The following LHFPL2 variants were observed in gnomAD, a reference collection of about 807,000 sequenced individuals.
The protein encoded by LHFPL2 is LHFPL tetraspan subfamily member 2.
A neutral mutation model predicts 17.5 loss-of-function variants in LHFPL2; 7 were observed. The ratio of observed to expected loss-of-function variants is 0.40; its 90% CI spans 0.23 to 0.75. LHFPL2 has a LOEUF of 0.75. Among genes scored for constraint, LHFPL2 ranks in the 30% least tolerant of loss-of-function variants. The probability of loss-of-function intolerance (pLI) is 0.37; values close to 1 mark genes in which losing one functional copy is unlikely to be tolerated. For missense variants in LHFPL2, 241 were observed against 294.8 expected (o/e 0.82, Z 1.34); for synonymous variants, 134 against 116.2 (o/e 1.15, Z -0.99).
intron 1 of LHFPL2, among the ~76,000 whole-genome samples, chr5:78,637,645 C>G (rs184654777): frequency 1.2e-3 from 181 of 152,364 alleles, no homozygotes; most frequent in African/African-American, 4.3e-3. Context: ...TGACATTTCT[C>G]AGCCGCCAGA....
intron 2 of LHFPL2, among the ~76,000 whole-genome samples, chr5:78,584,999 T>TAAGCCCGTTGGAAAAGCGCAGTAG (rs1356291053): frequency 1.3e-5 from 1 of 76,796 alleles, no homozygotes; most frequent in Non-Finnish European, 3.1e-5. Flanking sequence ...CGCTGTGTTT[T>TAAGCCCGTTGGAAAAGCGCAGTAG]TTTTTTTTTT....
chr5:78,561,566 TG>T (rs1195084782), intron 3 of LHFPL2, among the ~76,000 whole-genome samples: 1 of 152,182 alleles, frequency 6.6e-6, no homozygotes, highest in African/African-American at 2.4e-5. Flanking sequence ...GGTCCAAACT[TG>T]CATAACATGA....
chr5:78,555,842 G>A (rs1756557629), intron 3 of LHFPL2, among the ~76,000 whole-genome samples: 1 of 152,224 alleles, frequency 6.6e-6, no homozygotes, highest in Non-Finnish European at 1.5e-5. Context: ...TGAAGGGGCA[G>A]GCAAAAGAAG....
intron 3 of LHFPL2, among the ~76,000 whole-genome samples, chr5:78,559,679 T>C (rs1010877967): frequency 6.6e-6 from 1 of 152,224 alleles, no homozygotes; most frequent in Non-Finnish European, 1.5e-5. Flanking sequence ...GGACCCTATA[T>C]TTGGTCCAAT....
chr5:78,635,414 G>A (rs1745401455), intron 1 of LHFPL2, among the ~76,000 whole-genome samples: 1 of 152,196 alleles, frequency 6.6e-6, no homozygotes, highest in Non-Finnish European at 1.5e-5. Context: ...GATGGTTTCT[G>A]CCGCTGGCCA....
At chr5:78,589,611 T>C (rs1210237044) in intron 2 of LHFPL2, among the ~76,000 whole-genome samples, 1 of 152,164 alleles carries the variant, frequency 6.6e-6, no homozygotes, top group Non-Finnish European at 1.5e-5. Context: ...TCCCTGTCCC[T>C]CCTCAACCTG....
At chr5:78,533,394 T>C (rs1482799821) in intron 3 of LHFPL2, among the ~76,000 whole-genome samples, 1 of 152,220 alleles carries the variant, frequency 6.6e-6, no homozygotes, top group African/African-American at 2.4e-5. Context: ...TTAGAAGACT[T>C]ATGACAAATG....
intron 3 of LHFPL2, among the ~76,000 whole-genome samples, chr5:78,515,295 T>C (rs78527807): frequency 0.037 from 5,537 of 151,030 alleles, 350 homozygotes; most frequent in African/African-American, 0.13. Context: ...TTCCCCGACA[T>C]TGACTATTTG....
chr5:78,576,494 G>C (rs527458027), intron 2 of LHFPL2, among the ~76,000 whole-genome samples: 63 of 152,212 alleles, frequency 4.1e-4, no homozygotes, highest in Admixed American at 7.2e-4. Flanking sequence ...CCCCACAGGT[G>C]CTCATGAACC....
intron 2 of LHFPL2, among the ~76,000 whole-genome samples, chr5:78,584,378 G>T (rs920317914): frequency 6.6e-6 from 1 of 152,160 alleles, no homozygotes; most frequent in Non-Finnish European, 1.5e-5. Context: ...AGAGTTTCCA[G>T]TTTTTCTGCT....
chr5:78,604,193 T>A (rs1329012792), intron 2 of LHFPL2, among the ~76,000 whole-genome samples: 1 of 151,586 alleles, frequency 6.6e-6, no homozygotes, highest in Non-Finnish European at 1.5e-5. Flanking sequence ...AGAAGCAAAG[T>A]CAGGCCGGGC....
Position 78,553,603 on chromosome 5 carries a change from AG to A in LHFPL2, c.-186+11209del, listed in dbSNP as rs11325488. Among the ~76,000 whole-genome samples the A allele has an allele frequency of 3.5e-3, 540 of 152,334 alleles. 2 individuals are homozygous for A. Among genetic ancestry groups the A allele is most frequent in the African/African-American group, 0.012 (513 of 41,574 alleles). ...ATATATTTTCCAGGTTGTATCAACA[AG>A]GATTCCGCATTAATAAAATAGGAAT... On this transcript the variant is annotated intron_variant, in intron 3 of 4. Coordinates refer to ENST00000380345, the MANE Select transcript of LHFPL2 (RefSeq NM_005779.3).
At position 78,526,187 on chromosome 5, in the gene LHFPL2, C is replaced by T. The variant is rs367990108; in HGVS notation, c.-185-15789G>A. Among the ~76,000 whole-genome samples the T allele has an allele frequency of 6.6e-5, 10 of 152,286 alleles. No individual in the cohort carries two copies. In the East Asian group the frequency reaches 1.7e-3, roughly 26 times the overall value. On this transcript the variant is annotated intron_variant, in intron 3 of 4. Transcript: ENST00000380345. Reference sequence around the variant, plus strand: ...CCATTTTCTTGCCTCCCCACTCCTCCCCACACTCCAAGTTTGTGTGTCACA... The same window carrying T: ...CCATTTTCTTGCCTCCCCACTCCTCTCCACACTCCAAGTTTGTGTGTCACA...
chr5:78,588,967 A>G (rs6895653), intron 2 of LHFPL2, among the ~76,000 whole-genome samples: 62,359 of 151,962 alleles, frequency 0.41, 13,057 homozygotes, highest in Middle Eastern at 0.48. Context: ...GGACTAATAT[A>G]TATTGTTACA....
At chr5:78,642,952 C>A (rs1383002895) in intron 1 of LHFPL2, among the ~76,000 whole-genome samples, 1 of 152,138 alleles carries the variant, frequency 6.6e-6, no homozygotes, top group Non-Finnish European at 1.5e-5. Flanking sequence ...CTGGTACTAG[C>A]CTCCCAGCTC....
chr5:78,600,218 T>TG (rs1285460681), intron 2 of LHFPL2, among the ~76,000 whole-genome samples: 3 of 151,726 alleles, frequency 2.0e-5, no homozygotes, highest in African/African-American at 7.3e-5. Context: ...ACAAATATAT[T>TG]GTTGTCAAGC....
chr5:78,585,047 C>G lies in LHFPL2; in HGVS notation c.-244-20176G>C, dbSNP rs1394422514. Among the ~76,000 whole-genome samples the G allele has an allele frequency of 7.9e-5, 7 of 88,492 alleles. 2 individuals carry two copies. Among genetic ancestry groups the G allele is most frequent in the African/African-American group, 2.9e-4 (7 of 24,442 alleles). The allele number at this position is 88,492 out of a possible 152,430, so 58.1% of individuals were successfully genotyped here. Reference sequence around the variant, plus strand: ...TTTGAGACGGAGTCTCGCTCTGTCGCCCAGGCTGGAGTGCAGTGGCGGGAT... The same window carrying G: ...TTTGAGACGGAGTCTCGCTCTGTCGGCCAGGCTGGAGTGCAGTGGCGGGAT... On this transcript the variant is annotated intron_variant, in intron 2 of 4. Transcript: ENST00000380345.
At chr5:78,511,452 T>C (rs1014612269) in intron 3 of LHFPL2, among the ~76,000 whole-genome samples, 1 of 152,204 alleles carries the variant, frequency 6.6e-6, no homozygotes, top group Non-Finnish European at 1.5e-5. Context: ...CAGGGCTGGT[T>C]TGCAGCCCCA....
chr5:78,617,398 G>A (rs1026768673), intron 2 of LHFPL2, among the ~76,000 whole-genome samples: 6 of 152,112 alleles, frequency 3.9e-5, no homozygotes, highest in Admixed American at 3.9e-4. Flanking sequence ...TAAGAAAGAG[G>A]TAAGTTTGAA....
Sources: gnomAD v4.1 joint callset for allele counts (sites outside exome capture counted in the v4.1 genomes callset) on GRCh38, gnomAD v4.1.1 for gene constraint, MANE v1.5 for transcripts, NCBI Gene and HGNC (gene_info 2026-07-23, HGNC 2026-07-21) for gene names.